Variants in RABGAP1L observed in about 807,000 individuals in gnomAD.
RABGAP1L encodes the protein rab GTPase-activating protein 1-like.
Under a neutral mutation model 137.7 loss-of-function variants are expected in RABGAP1L, and 63 were observed. That is an observed-to-expected ratio of 0.46 (90% CI 0.37 to 0.56). RABGAP1L has a LOEUF of 0.56. Ranked by LOEUF, RABGAP1L falls within the 20% of genes least tolerant of loss-of-function variation. RABGAP1L has a pLI of 0.00. For missense variants in RABGAP1L, 1,095 were observed against 1,244.0 expected (o/e 0.88, Z 1.80); for synonymous variants, 431 against 433.7 (o/e 0.99, Z 0.08).
chr1:174,360,721 A>G (rs1485688642), intron 11 of RABGAP1L, among the ~76,000 whole-genome samples: 1 of 152,100 alleles, frequency 6.6e-6, no homozygotes, highest in South Asian at 2.1e-4. Context: ...CTCCCATCCC[A>G]TCAGAGGTGG....
chr1:174,722,430 A>G (rs564593802), intron 17 of RABGAP1L, among the ~76,000 whole-genome samples: 1 of 149,146 alleles, frequency 6.7e-6, no homozygotes, highest in African/African-American at 2.4e-5. Context: ...AGCTTTTCCC[A>G]TTTTTCCTTT....
intron 13 of RABGAP1L, among the ~76,000 whole-genome samples, chr1:174,520,711 T>G (rs1663285875): frequency 6.6e-6 from 1 of 152,116 alleles, no homozygotes; most frequent in Non-Finnish European, 1.5e-5. Context: ...TTAAAAAGTG[T>G]TTTAGTCTCG....
intron 19 of RABGAP1L, among the ~76,000 whole-genome samples, chr1:174,890,648 G>GT (rs535205285): frequency 1.3e-5 from 2 of 151,890 alleles, no homozygotes; most frequent in South Asian, 2.1e-4. Flanking sequence ...AGTTTTAGTA[G>GT]TTTTTTTTAG....
rs114221894 is a variant in RABGAP1L at position 174,483,550 on chromosome 1, T to G, written c.1710+89405T>G. Among the ~76,000 whole-genome samples, 178 of 152,308 alleles carry G rather than the reference T, an allele frequency of 1.2e-3. 1 individual carries two copies. The highest frequency in any genetic ancestry group is 4.2e-3 in the African/African-American group (174 of 41,568). Reference sequence around the variant, plus strand: ...ATTCATTCATCTGTCGATGGACACTTAAGTTGCTTTCAAATCTTGGCTATT... The same window carrying G: ...ATTCATTCATCTGTCGATGGACACTGAAGTTGCTTTCAAATCTTGGCTATT... On this transcript the variant is annotated intron_variant, in intron 13 of 25. Coordinates refer to ENST00000681986, the MANE Select transcript of RABGAP1L (RefSeq NM_001366446.1).
intron 18 of RABGAP1L, among the ~76,000 whole-genome samples, chr1:174,776,961 A>T (rs1342577741): frequency 6.6e-6 from 1 of 152,218 alleles, no homozygotes; most frequent in Non-Finnish European, 1.5e-5. Context: ...AGTGACAGGT[A>T]TTATAGGCAC....
intron 13 of RABGAP1L, 152 bp downstream of exon 13, chr1:174,394,297 C>A (rs1647549498): frequency 2.4e-6 from 2 of 833,914 alleles, no homozygotes; most frequent in Admixed American, 3.1e-5. Context: ...GTTCTGAACA[C>A]TTGTAGTGGT....
At chr1:174,784,393 CTGT>C (rs1687297176) in intron 18 of RABGAP1L, among the ~76,000 whole-genome samples, 1 of 152,008 alleles carries the variant, frequency 6.6e-6, no homozygotes, top group African/African-American at 2.4e-5. Flanking sequence ...CTTTAGTGCT[CTGT>C]TGTCAATTTA....
intron 10 of RABGAP1L, among the ~76,000 whole-genome samples, chr1:174,280,206 C>A (rs1675396331): frequency 6.6e-6 from 1 of 152,112 alleles, no homozygotes; most frequent in African/African-American, 2.4e-5. Flanking sequence ...TCTTTCTACA[C>A]CTCCAAAAGG....
intron 19 of RABGAP1L, among the ~76,000 whole-genome samples, chr1:174,924,066 T>C (rs1469953703): frequency 1.3e-5 from 2 of 151,780 alleles, no homozygotes; most frequent in Non-Finnish European, 2.9e-5. Context: ...TTCAAACTAC[T>C]GGACAGTCTA....
chr1:174,752,455 C>A, intron 18 of RABGAP1L, 101 bp downstream of exon 18: 1 of 824,902 alleles, frequency 1.2e-6, no homozygotes, highest in Non-Finnish European at 1.9e-6. Flanking sequence ...TTCAGTTTCT[C>A]AGACACACAA....
rs182989766 is a variant in RABGAP1L, at chr1:174,966,413, T to A, written c.2434-2864T>A. ...ATATGTCATGTTGAAATTGTGCTGGTATTGTTACTCTTTCCTGGCTGGGAG... is the reference window on the plus strand; with the variant it reads ...ATATGTCATGTTGAAATTGTGCTGGAATTGTTACTCTTTCCTGGCTGGGAG... On this transcript the variant is annotated intron_variant, in intron 20 of 25. Transcript: ENST00000681986. Among the ~76,000 whole-genome samples the A allele has an allele frequency of 3.3e-5, 5 of 152,336 alleles. No homozygotes were observed. The East Asian group carries it at 9.6e-4, about 29-fold the overall frequency.
chr1:174,420,135 A>C (rs1395308352), intron 13 of RABGAP1L, among the ~76,000 whole-genome samples: 1 of 152,094 alleles, frequency 6.6e-6, no homozygotes, highest in East Asian at 1.9e-4. Context: ...ACATTAATTT[A>C]AAATGTTCTA....
chr1:174,323,371 T>C (rs1253503076), intron 11 of RABGAP1L, among the ~76,000 whole-genome samples: 6 of 152,084 alleles, frequency 3.9e-5, no homozygotes, highest in African/African-American at 1.4e-4. Context: ...AAGCCCATGA[T>C]TTTTCATGAT....
chr1:174,290,992 TCAAG>T (rs1676548318), intron 10 of RABGAP1L, among the ~76,000 whole-genome samples: 1 of 152,160 alleles, frequency 6.6e-6, no homozygotes, highest in Non-Finnish European at 1.5e-5. Context: ...ACTCTTGGAC[TCAAG>T]CAAGCCTCCC....
chr1:174,391,845 A>T (rs1250218723), intron 12 of RABGAP1L, among the ~76,000 whole-genome samples: 1 of 152,164 alleles, frequency 6.6e-6, no homozygotes, highest in Non-Finnish European at 1.5e-5. Context: ...AGAGGAAATG[A>T]CCTTTGCTCT....
At chr1:174,353,739 T>A (rs1683386569) in intron 11 of RABGAP1L, among the ~76,000 whole-genome samples, 1 of 152,186 alleles carries the variant, frequency 6.6e-6, no homozygotes, top group African/African-American at 2.4e-5. Flanking sequence ...CTGTGCTCTG[T>A]CTTCCCCAAG....
chr1:174,808,110 A>G (rs1433758641), intron 18 of RABGAP1L, among the ~76,000 whole-genome samples: 1 of 149,646 alleles, frequency 6.7e-6, no homozygotes, highest in Non-Finnish European at 1.5e-5. Flanking sequence ...CAGCCTCCCC[A>G]GTAGCTGGGA....
rs542246444 is a variant in RABGAP1L at position 174,685,034 on chromosome 1, G to A, written c.1899+1438G>A. On this transcript the variant is annotated intron_variant, in intron 15 of 25. Transcript: ENST00000681986. ...GAAAATGTCAGTTTAAATGAGAGAT[G>A]TTGAGAACCCAGAGAAAAGCAGAAT... Among the ~76,000 whole-genome samples the A allele has an allele frequency of 9.2e-5, 14 of 152,190 alleles. No homozygotes were observed. The South Asian group carries it at 2.9e-3, about 32-fold the overall frequency.
chr1:174,454,626 C>A (rs1267172755), intron 13 of RABGAP1L, among the ~76,000 whole-genome samples: 1 of 149,494 alleles, frequency 6.7e-6, no homozygotes, highest in African/African-American at 2.5e-5. Flanking sequence ...TCTCTGCTCA[C>A]TGCAAGCTCG....
Sources: gnomAD v4.1 joint callset for allele counts (sites outside exome capture counted in the v4.1 genomes callset) on GRCh38, gnomAD v4.1.1 for gene constraint, MANE v1.5 for transcripts, NCBI Gene and HGNC (gene_info 2026-07-23, HGNC 2026-07-21) for gene names.